PLEKHS1: variants seen among roughly 807,000 people sequenced by gnomAD.
PLEKHS1 encodes the protein pleckstrin homology domain-containing family S member 1.
Under a neutral mutation model 51.0 loss-of-function variants are expected in PLEKHS1, and 55 were observed. That is an observed-to-expected ratio of 1.08 (90% CI 0.87 to 1.35). The LOEUF (loss-of-function observed/expected upper bound fraction) is 1.35. PLEKHS1 is among the 40% of genes most tolerant of loss of function. PLEKHS1 has a pLI of 0.00. For synonymous variants in PLEKHS1, 153 were observed against 144.8 expected, an observed-to-expected ratio of 1.06 and a Z score of -0.41; for missense variants, 398 against 423.0, an observed-to-expected ratio of 0.94 and a Z score of 0.52.
chr10:113,766,411 G>A, exon 3 of PLEKHS1: 1 of 1,548,174 alleles, frequency 6.5e-7, no homozygotes, highest in Non-Finnish European at 8.9e-7. Context: ...CTTTTATTAG[G>A]CAAACAATTT....
At chr10:113,761,445 C>CTTTAA (rs34624102) in intron 2 of PLEKHS1, among the ~76,000 whole-genome samples, 27,928 of 151,830 alleles carry the variant, frequency 0.18, 2,674 homozygotes, top group East Asian at 0.29. Context: ...ATTTATGTCT[C>CTTTAA]TTTATTTCAG....
intron 7 of PLEKHS1, chr10:113,771,158 T>C (rs779316605): frequency 6.6e-6 from 1 of 152,170 alleles, no homozygotes; most frequent in Non-Finnish European, 1.5e-5. Context: ...TGAATCTAGA[T>C]CACCTGGAAA....
chr10:113,754,074 C>T (rs1183057170), intron 1 of PLEKHS1, among the ~76,000 whole-genome samples: 2 of 152,126 alleles, frequency 1.3e-5, no homozygotes, highest in African/African-American at 2.4e-5. Context: ...TCCCAAAGTA[C>T]TGGGATTACA....
At chr10:113,766,869 GT>G in intron 4 of PLEKHS1, 151 bp downstream of exon 4, 1 of 600,786 alleles carries the variant, frequency 1.7e-6, no homozygotes, top group African/African-American at 1.9e-5. Context: ...AGCTAAAATA[GT>G]GAGCACTTTG....
chr10:113,774,757 GAC>G, intron 9 of PLEKHS1, 67 bp from the exon 10 acceptor site: 1 of 1,422,364 alleles, frequency 7.0e-7, no homozygotes, highest in Admixed American at 1.7e-5. Context: ...ACTTAAATCT[GAC>G]ACACACAGGG....
intron 5 of PLEKHS1, among the ~76,000 whole-genome samples, chr10:113,767,817 C>T (rs1253741286): frequency 6.6e-6 from 1 of 152,154 alleles, no homozygotes; most frequent in African/African-American, 2.4e-5. Context: ...CCTCTCCTAA[C>T]TATTGGTAGT....
intron 2 of PLEKHS1, among the ~76,000 whole-genome samples, chr10:113,764,584 T>C (rs1201149863): frequency 2.0e-5 from 3 of 152,206 alleles, no homozygotes; most frequent in Non-Finnish European, 2.9e-5. Flanking sequence ...TACTTTTCTT[T>C]GTGTATCTTG....
rs142327000 is a variant in PLEKHS1 at position 113,767,935 on chromosome 10, A to G, written c.359+456A>G. Among the ~76,000 whole-genome samples, 325 of 152,236 alleles carry G rather than the reference A, an allele frequency of 2.1e-3. 2 individuals carry two copies. Among genetic ancestry groups the G allele is most frequent in the African/African-American group, 7.6e-3 (314 of 41,534 alleles). On this transcript the variant is annotated intron_variant, in intron 5 of 11. Coordinates refer to ENST00000361048, the Ensembl canonical transcript of PLEKHS1. ...TTTATAAGAACATCAGTAATATTGG[A>G]TTTGGAGCCCTCTCTATTCCAGTAT...
At chr10:113,769,974 C>T in intron 7 of PLEKHS1, 74 bp downstream of exon 7, 1 of 1,081,562 alleles carries the variant, frequency 9.2e-7, no homozygotes. Context: ...TACCAATTAG[C>T]AATTGAATTT....
intron 1 of PLEKHS1, among the ~76,000 whole-genome samples, chr10:113,754,722 G>C (rs1854020474): frequency 6.6e-6 from 1 of 152,058 alleles, no homozygotes; most frequent in Non-Finnish European, 1.5e-5. Context: ...CTGACCTCAT[G>C]ATCTACCCGC....
At chr10:113,768,009 G>C (rs1314822656) in intron 5 of PLEKHS1, among the ~76,000 whole-genome samples, 3 of 152,048 alleles carry the variant, frequency 2.0e-5, no homozygotes, top group Non-Finnish European at 2.9e-5. Flanking sequence ...TTCCAAATAA[G>C]GTCACATTCT....
intron 1 of PLEKHS1, among the ~76,000 whole-genome samples, chr10:113,752,480 C>G (rs117575512): frequency 0.023 from 3,459 of 152,256 alleles, 333 homozygotes; most frequent in Admixed American, 0.18. Context: ...GACCTAACAA[C>G]TAGCATTTAT....
chr10:113,771,818 A>G, intron 7 of PLEKHS1, 152 bp from the exon 8 acceptor site: 1 of 865,382 alleles, frequency 1.2e-6, no homozygotes, highest in Non-Finnish European at 1.7e-6. Context: ...TCAAGAGGCA[A>G]GTTCAAGTTG....
chr10:113,780,651 C>G, exon 12 of PLEKHS1: 1 of 1,613,854 alleles, frequency 6.2e-7, no homozygotes, highest in Non-Finnish European at 8.5e-7. Flanking sequence ...ACATTCCATG[C>G]TGCATCCTGT....
exon 12 of PLEKHS1, chr10:113,781,337 ACCTCTTTCCCAAACACCTCCTTCCCAG>A: frequency 1.8e-5 from 1 of 55,002 alleles, no homozygotes; most frequent in Non-Finnish European, 3.8e-5. Context: ...CTTCCCAAAC[ACCTCTTTCCCAAACACCTCCTTCCCAG>A]ACACCTCCTT....
intron 11 of PLEKHS1, among the ~76,000 whole-genome samples, chr10:113,778,469 A>G (rs1431218971): frequency 6.6e-6 from 1 of 152,134 alleles, no homozygotes; most frequent in Non-Finnish European, 1.5e-5. Context: ...GCATATCTAT[A>G]TTAAGAACAC....
At chr10:113,777,716 T>G (rs1844739456) in intron 11 of PLEKHS1, 1 of 1,512,682 alleles carries the variant, frequency 6.6e-7, no homozygotes, top group Non-Finnish European at 8.8e-7. Flanking sequence ...TTACTTTTAC[T>G]TCTACTACAA....
At chr10:113,760,738 A>G (rs1843884732) in intron 2 of PLEKHS1, among the ~76,000 whole-genome samples, 1 of 152,116 alleles carries the variant, frequency 6.6e-6, no homozygotes, top group Admixed American at 6.6e-5. Flanking sequence ...TGATTTTTGA[A>G]TATTTTATCC....
chr10:113,777,375 C>T, intron 11 of PLEKHS1, 116 bp downstream of exon 12: 1 of 1,609,252 alleles, frequency 6.2e-7, no homozygotes, highest in Non-Finnish European at 8.5e-7. Flanking sequence ...CTCATTCTTC[C>T]ACCATCAAGT....
Sources: allele counts gnomAD v4.1 joint callset (sites outside exome capture counted in the v4.1 genomes callset), GRCh38; gene constraint gnomAD v4.1.1; transcripts MANE v1.5; gene names NCBI Gene and HGNC (gene_info 2026-07-23, HGNC 2026-07-21).